SEMA3A: variants seen among roughly 807,000 people sequenced by gnomAD.
SEMA3A encodes the protein semaphorin-3A.
SEMA3A carries 29 observed loss-of-function variants against 97.9 expected under a neutral mutation model. That is an observed-to-expected ratio of 0.30 (90% confidence interval 0.22 to 0.40). The LOEUF is 0.40. Among genes scored for constraint, SEMA3A ranks in the 10% least tolerant of loss-of-function variants. The pLI is 1.00. For synonymous variants in SEMA3A, 321 were observed against 323.7 expected (o/e 0.99, Z 0.09); for missense variants, 763 against 951.3 (o/e 0.80, Z 2.60).
At chr7:84,155,932 T>C (rs1051090592) in intron 1 of SEMA3A, among the ~76,000 whole-genome samples, 1 of 152,146 alleles carries the variant, frequency 6.6e-6, no homozygotes, top group Non-Finnish European at 1.5e-5. Context: ...ACTGTGTCTT[T>C]CTCTGACTCT....
intron 1 of SEMA3A, among the ~76,000 whole-genome samples, chr7:84,453,985 ATAAAT>A (rs1290645178): frequency 2.8e-4 from 42 of 152,254 alleles, no homozygotes; most frequent in Non-Finnish European, 5.3e-4. Context: ...AGGTGGACTT[ATAAAT>A]TATTCTTAAC....
chr7:84,220,486 C>T (rs547569072), intron 3 of SEMA3A, among the ~76,000 whole-genome samples: 1 of 152,098 alleles, frequency 6.6e-6, no homozygotes, highest in African/African-American at 2.4e-5. Context: ...TTTACTTTGA[C>T]CAGATCCATC....
intron 5 of SEMA3A, among the ~76,000 whole-genome samples, chr7:84,059,472 T>A (rs926411173): frequency 1.3e-5 from 2 of 152,048 alleles, no homozygotes. Flanking sequence ...TTTTTCTGAG[T>A]AGGAAAAAAT....
At chr7:84,181,756 GT>G (rs1797743022) in intron 1 of SEMA3A, among the ~76,000 whole-genome samples, 2 of 152,230 alleles carry the variant, frequency 1.3e-5, no homozygotes, top group South Asian at 4.1e-4. Context: ...GACAGTCTCA[GT>G]TTTTAAGCTA....
chr7:84,399,670 C>G (rs1238383931), intron 1 of SEMA3A, among the ~76,000 whole-genome samples: 5 of 152,162 alleles, frequency 3.3e-5, no homozygotes. Context: ...CCATTGTGAG[C>G]CAGAAAGAAA....
chr7:84,070,098 C>T (rs1276839094), intron 4 of SEMA3A, among the ~76,000 whole-genome samples: 2 of 152,090 alleles, frequency 1.3e-5, no homozygotes, highest in Non-Finnish European at 2.9e-5. Context: ...AATTAAACTG[C>T]ATAACTTAAA....
At chr7:84,425,853 A>AACATAC (rs1554384338) in intron 1 of SEMA3A, among the ~76,000 whole-genome samples, 1 of 110,366 alleles carries the variant, frequency 9.1e-6, no homozygotes, top group East Asian at 3.9e-4. Flanking sequence ...ATGTTTATAT[A>AACATAC]ACACACACAC....
intron 4 of SEMA3A, among the ~76,000 whole-genome samples, chr7:84,074,309 T>G (rs1275144900): frequency 2.6e-5 from 4 of 152,122 alleles, no homozygotes; most frequent in East Asian, 1.9e-4. Flanking sequence ...CAATTACTAA[T>G]TATAAGCTTC....
intron 2 of SEMA3A, among the ~76,000 whole-genome samples, chr7:84,336,988 G>C (rs1802051765): frequency 1.3e-5 from 2 of 152,064 alleles, no homozygotes; most frequent in Non-Finnish European, 2.9e-5. Context: ...TGCAGAACTA[G>C]ATCAGTGTTG....
At chr7:84,172,888 T>TA (rs1451304323) in intron 1 of SEMA3A, among the ~76,000 whole-genome samples, 2 of 152,238 alleles carry the variant, frequency 1.3e-5, no homozygotes, top group Admixed American at 1.3e-4. Flanking sequence ...AGAAAAAACA[T>TA]AAATTTCTTT....
At chr7:83,978,237 A>G (rs1454526967) in intron 14 of SEMA3A, among the ~76,000 whole-genome samples, 1 of 152,198 alleles carries the variant, frequency 6.6e-6, no homozygotes, top group African/African-American at 2.4e-5. Context: ...TGCCAGAGGA[A>G]TGAGAGAGAG....
At chr7:84,273,983 A>G (rs545636594) in intron 3 of SEMA3A, among the ~76,000 whole-genome samples, 1 of 152,190 alleles carries the variant, frequency 6.6e-6, no homozygotes, top group African/African-American at 2.4e-5. Flanking sequence ...AATAAAAAAT[A>G]AAATTATATT....
At chr7:84,312,532 T>C (rs1019331967) in intron 2 of SEMA3A, among the ~76,000 whole-genome samples, 3 of 151,630 alleles carry the variant, frequency 2.0e-5, no homozygotes, top group Non-Finnish European at 4.4e-5. Flanking sequence ...TACATTAAGA[T>C]CTTGTAAACT....
chr7:84,249,391 C>CTATG (rs1482711476), intron 3 of SEMA3A, among the ~76,000 whole-genome samples: 1 of 151,566 alleles, frequency 6.6e-6, no homozygotes, highest in Non-Finnish European at 1.5e-5. Context: ...ATCTATCTAT[C>CTATG]TATCTATCTA....
intron 5 of SEMA3A, among the ~76,000 whole-genome samples, chr7:84,053,806 C>G (rs1385685383): frequency 7.7e-6 from 1 of 130,618 alleles, no homozygotes; most frequent in Non-Finnish European, 1.7e-5. Context: ...TCTTCCTAGT[C>G]TCAATGGTCT....
intron 5 of SEMA3A, among the ~76,000 whole-genome samples, chr7:84,053,929 A>C (rs1355383662): frequency 6.9e-6 from 1 of 144,296 alleles, no homozygotes; most frequent in African/African-American, 2.5e-5. Context: ...ATCTCTCAGC[A>C]TTTGCTTGTC....
At chr7:84,467,766 CT>C (rs1189493102) in intron 1 of SEMA3A, among the ~76,000 whole-genome samples, 4 of 152,110 alleles carry the variant, frequency 2.6e-5, no homozygotes, top group African/African-American at 9.7e-5. Context: ...CAGAAACAGC[CT>C]TCCTTTTTAT....
At chr7:84,400,949 A>G (rs1397140087) in intron 1 of SEMA3A, among the ~76,000 whole-genome samples, 1 of 152,210 alleles carries the variant, frequency 6.6e-6, no homozygotes, top group East Asian at 1.9e-4. Context: ...CTTTTCCTGT[A>G]AGAACTGGAA....
intron 1 of SEMA3A, among the ~76,000 whole-genome samples, chr7:84,187,941 T>C (rs1006234526): frequency 1.3e-5 from 2 of 152,064 alleles, no homozygotes; most frequent in South Asian, 2.1e-4. Flanking sequence ...AATGAGTCAA[T>C]TGACATATTC....
Sources: gnomAD v4.1 joint callset for allele counts (sites outside exome capture counted in the v4.1 genomes callset) on GRCh38, gnomAD v4.1.1 for gene constraint, MANE v1.5 for transcripts, NCBI Gene and HGNC (gene_info 2026-07-23, HGNC 2026-07-21) for gene names.